The following DSCAM variants were observed in gnomAD, a reference collection of about 807,000 sequenced individuals.
DSCAM encodes DS cell adhesion molecule.
Under a neutral mutation model 217.7 loss-of-function variants are expected in DSCAM, and 47 were observed. That is an observed-to-expected ratio of 0.22 (90% confidence interval 0.17 to 0.28). The LOEUF (loss-of-function observed/expected upper bound fraction) is 0.28, where lower values mean the gene tolerates loss of function less well. DSCAM is among the 10% of genes least tolerant of loss of function. The pLI is 1.00. For missense variants in DSCAM, 2,080 were observed against 2,618.3 expected (o/e 0.79, Z 4.49); for synonymous variants, 1,056 against 1,015.3 (o/e 1.04, Z -0.76).
At chr21:40,666,519 A>G (rs2090201792) in intron 3 of DSCAM, among the ~76,000 whole-genome samples, 1 of 152,200 alleles carries the variant, frequency 6.6e-6, no homozygotes, top group African/African-American at 2.4e-5. Context: ...CTGTTCACCA[A>G]CACCTGTTCT....
intron 3 of DSCAM, among the ~76,000 whole-genome samples, chr21:40,671,692 C>CAAAAAAAAAAAAAAAAAAAAA (rs71330402): frequency 9.2e-6 from 1 of 108,984 alleles, no homozygotes; most frequent in Non-Finnish European, 1.8e-5. Flanking sequence ...ATTCCTTAAA[C>CAAAAAAAAAAAAAAAAAAAAA]AAAAAAAAAA....
chr21:40,347,497 A>C (rs2074571543), intron 6 of DSCAM, among the ~76,000 whole-genome samples, 173 bp downstream of exon 6: 1 of 152,140 alleles, frequency 6.6e-6, no homozygotes, highest in African/African-American at 2.4e-5. Flanking sequence ...TTTCGTCAGA[A>C]CTTTCTCTCC....
At chr21:40,283,598 A>C (rs113744566) in intron 10 of DSCAM, among the ~76,000 whole-genome samples, 2,128 of 152,286 alleles carry the variant, frequency 0.014, 57 homozygotes, top group African/African-American at 0.048. Context: ...CTTCACTGTT[A>C]AGTCTTTGCT....
chr21:40,051,186 CAA>C (rs2093278784), intron 30 of DSCAM, among the ~76,000 whole-genome samples: 2 of 152,106 alleles, frequency 1.3e-5, no homozygotes, highest in African/African-American at 2.4e-5. Context: ...AGCTAGACGT[CAA>C]AGTTTCCAAA....
intron 14 of DSCAM, among the ~76,000 whole-genome samples, chr21:40,185,756 C>T (rs1362875243): frequency 6.9e-6 from 1 of 145,846 alleles, no homozygotes; most frequent in Non-Finnish European, 1.5e-5. Flanking sequence ...AGGTCAGCCT[C>T]TCCTCCCTGG....
At chr21:40,485,521 C>T (rs976943503) in intron 3 of DSCAM, among the ~76,000 whole-genome samples, 2 of 152,096 alleles carry the variant, frequency 1.3e-5, no homozygotes, top group Admixed American at 6.5e-5. Flanking sequence ...GGATTACAGG[C>T]GTGAGCCACC....
intron 3 of DSCAM, among the ~76,000 whole-genome samples, chr21:40,520,633 C>A (rs1400265797): frequency 6.6e-6 from 1 of 151,780 alleles, no homozygotes; most frequent in African/African-American, 2.4e-5. Context: ...ATGGTGAAAC[C>A]CCATCTCTAT....
At chr21:40,596,576 T>C (rs1206880278) in intron 3 of DSCAM, among the ~76,000 whole-genome samples, 1 of 152,222 alleles carries the variant, frequency 6.6e-6, no homozygotes, top group Non-Finnish European at 1.5e-5. Flanking sequence ...TTATGCCGTA[T>C]GCTTGGCAGG....
At chr21:40,432,241 T>A (rs1282052225) in intron 3 of DSCAM, among the ~76,000 whole-genome samples, 2 of 71,894 alleles carry the variant, frequency 2.8e-5, no homozygotes, top group East Asian at 3.3e-4. Context: ...TAAATAAATA[T>A]CTTCTTCTTC....
intron 3 of DSCAM, among the ~76,000 whole-genome samples, chr21:40,672,781 G>A (rs1008084725): frequency 6.6e-6 from 1 of 152,094 alleles, no homozygotes; most frequent in African/African-American, 2.4e-5. Flanking sequence ...CATCCTTGAT[G>A]ACTGTCTTTC....
intron 3 of DSCAM, among the ~76,000 whole-genome samples, chr21:40,545,794 C>T (rs1364713764): frequency 6.6e-6 from 1 of 152,148 alleles, no homozygotes; most frequent in African/African-American, 2.4e-5. Context: ...AAAGAGTCAC[C>T]TCAAAAAGTG....
intron 8 of DSCAM, among the ~76,000 whole-genome samples, chr21:40,332,036 C>T (rs1465368419): frequency 2.0e-5 from 3 of 152,196 alleles, no homozygotes; most frequent in African/African-American, 7.2e-5. Flanking sequence ...CTCCTCTCAG[C>T]CTCTCCATCT....
chr21:40,385,395 G>C (rs536423919), intron 3 of DSCAM: 1 of 152,206 alleles, frequency 6.6e-6, no homozygotes, highest in Non-Finnish European at 1.5e-5. Context: ...CCAGTCCCTA[G>C]AACACATACA....
chr21:40,685,552 G>C (rs1601848845), intron 3 of DSCAM, among the ~76,000 whole-genome samples: 2 of 152,300 alleles, frequency 1.3e-5, no homozygotes, highest in African/African-American at 4.8e-5. Context: ...ACTCATTGCT[G>C]GAGAAATTAA....
At chr21:40,415,364 G>A (rs913677417) in intron 3 of DSCAM, among the ~76,000 whole-genome samples, 3 of 152,218 alleles carry the variant, frequency 2.0e-5, no homozygotes, top group African/African-American at 7.2e-5. Flanking sequence ...AAAAGTTGGT[G>A]GCACCACTGT....
At chr21:40,124,442 G>C in intron 19 of DSCAM, 114 bp from the exon 20 acceptor site, 1 of 1,365,338 alleles carries the variant, frequency 7.3e-7, no homozygotes, top group Non-Finnish European at 1.0e-6. Flanking sequence ...CAGGATGAGC[G>C]TTATGGGTTC....
chr21:40,541,407 GAATA>G (rs2076541923), intron 3 of DSCAM, among the ~76,000 whole-genome samples: 1 of 151,882 alleles, frequency 6.6e-6, no homozygotes, highest in African/African-American at 2.4e-5. Context: ...AAACACACGA[GAATA>G]AACAGCAAAG....
Position 40,012,118 on chromosome 21 carries a change from C to T in DSCAM, c.*916G>A, listed in dbSNP as rs1401067771. On this transcript the variant is annotated 3_prime_UTR_variant, in exon 33 of 33. Coordinates refer to ENST00000400454, the MANE Select transcript of DSCAM (RefSeq NM_001389.5). ...CTGGATTTGGCCCATAGGCCACAGT[C>T]AGTTGAACTCTGGCCATGGGCAGGC... The T allele has an allele frequency of 6.6e-6, 1 of 152,226 alleles. No individual in the cohort carries two copies. Among genetic ancestry groups the T allele is most frequent in the Non-Finnish European group, 1.5e-5 (1 of 68,048 alleles). 9.4% of individuals were successfully genotyped at this position (152,226 alleles called of 1,614,324 possible).
rs73366944 is a variant in DSCAM, at chr21:40,573,720, A to G, written c.508+119090T>C. Among the ~76,000 whole-genome samples, 234 of 152,272 alleles carry G rather than the reference A, an allele frequency of 1.5e-3. 2 individuals are homozygous for G. Among genetic ancestry groups the G allele is most frequent in the African/African-American group, 5.5e-3 (227 of 41,594 alleles). ...TAACAATGTGAGAAATTTGTTTAAGACAGTTTAATAAAATTGGTATACTTC... is the reference window on the plus strand; with the variant it reads ...TAACAATGTGAGAAATTTGTTTAAGGCAGTTTAATAAAATTGGTATACTTC... On this transcript the variant is annotated intron_variant, in intron 3 of 32. Transcript: ENST00000400454.
Sources: gnomAD v4.1 joint callset for allele counts (sites outside exome capture counted in the v4.1 genomes callset) on GRCh38, gnomAD v4.1.1 for gene constraint, MANE v1.5 for transcripts, NCBI Gene and HGNC (gene_info 2026-07-23, HGNC 2026-07-21) for gene names.